PPFIA4: variants seen among roughly 807,000 people sequenced by gnomAD.
The protein encoded by PPFIA4 is PPFI scaffold protein A4.
In PPFIA4, 98 loss-of-function variants were observed where a neutral mutation model predicts 145.7. The observed-to-expected ratio is 0.67, with a 90% CI of 0.57 to 0.80. PPFIA4 has a LOEUF of 0.80. PPFIA4 is among the 30% of genes least tolerant of loss of function. PPFIA4 has a pLI of 0.00. For synonymous variants in PPFIA4, 628 were observed against 649.6 expected, an observed-to-expected ratio of 0.97 and a Z score of 0.51; for missense variants, 1,457 against 1,632.7, an observed-to-expected ratio of 0.89 and a Z score of 1.85.
chr1:203,048,462 G>A lies in PPFIA4; in HGVS notation c.1225-121G>A. On this transcript the variant is annotated intron_variant, in intron 10 of 29. Coordinates refer to ENST00000295706, the MANE Select transcript of PPFIA4 (RefSeq NM_001304331.2). The surrounding 1 kb of genome is among the most constrained non-coding windows in gnomAD (Gnocchi z 5.8). The stretch of plus-strand genomic sequence containing the variant: ...TGGCAGGTGAAGGGGGAGGTGGTCA[G>A]GAGACTGGAGAGAGTGGCTCCCAGA... 6.7e-7 allele frequency: 1 copy of A among 1,486,090 alleles called. No homozygotes were observed. The highest frequency in any genetic ancestry group is 9.1e-7 in the Non-Finnish European group (1 of 1,093,958). The allele number at this position is 1,486,090 out of a possible 1,614,324, so 92.1% of individuals were successfully genotyped here.
intron 9 of PPFIA4, among the ~76,000 whole-genome samples, chr1:203,047,525 A>T (rs1249063089): frequency 6.6e-6 from 1 of 151,962 alleles, no homozygotes; most frequent in African/African-American, 2.4e-5. Flanking sequence ...ACTATAAGAG[A>T]TGTGGCTTTC....
At chr1:203,046,921 T>C (rs947406631) in intron 9 of PPFIA4, among the ~76,000 whole-genome samples, 5 of 152,250 alleles carry the variant, frequency 3.3e-5, no homozygotes, top group Admixed American at 3.3e-4. Flanking sequence ...AATACAATTT[T>C]ATTTAATGGA....
At chr1:203,076,185 C>T in intron 29 of PPFIA4, 156 bp from the exon 30 acceptor site, 2 of 810,892 alleles carry the variant, frequency 2.5e-6, no homozygotes, top group South Asian at 3.1e-5. Flanking sequence ...CGCTTACCAG[C>T]ACTGCCTGGC....
At chr1:203,031,432 ACT>A (rs1236780776) in intron 1 of PPFIA4, among the ~76,000 whole-genome samples, 1 of 148,246 alleles carries the variant, frequency 6.7e-6, no homozygotes, top group Non-Finnish European at 1.5e-5. Flanking sequence ...TCACACACAC[ACT>A]CTGTTGCATG....
At chr1:203,058,590 G>T (rs372704806) in intron 19 of PPFIA4, among the ~76,000 whole-genome samples, 320 of 152,194 alleles carry the variant, frequency 2.1e-3, no homozygotes, top group African/African-American at 7.3e-3. Flanking sequence ...TGTGCACTGT[G>T]GGGGGGTGAC....
chr1:203,058,112 A>G (rs10920556), intron 19 of PPFIA4, among the ~76,000 whole-genome samples: 24,915 of 152,124 alleles, frequency 0.16, 2,162 homozygotes, highest in African/African-American at 0.19. Flanking sequence ...GAACTCATCA[A>G]CTAGAATAAA....
chr1:203,044,394 CG>C lies in PPFIA4; in HGVS notation c.520del (p.Ala174GlnfsTer55). 1 of 1,552,196 alleles carries C rather than the reference CG, an allele frequency of 6.4e-7. No homozygotes were observed. Among genetic ancestry groups the C allele is most frequent in the Non-Finnish European group, 8.7e-7 (1 of 1,147,934 alleles). On this transcript the variant is annotated frameshift_variant, in exon 5 of 30. Transcript: ENST00000295706. LOFTEE classifies it high-confidence loss of function. The stretch of plus-strand genomic sequence containing the variant: ...CCTCGAGCAGGTGCGAGAGCGGCTC[CG>C]GGCAGCGCTGGAGCGAGTCACCACC... ...ALDEKVRERL[R>X]AALERVTTLE...
At chr1:203,073,114 G>T (rs1407195871) in intron 28 of PPFIA4, among the ~76,000 whole-genome samples, 2 of 152,130 alleles carry the variant, frequency 1.3e-5, no homozygotes, top group African/African-American at 4.8e-5. Context: ...CCTGCCCTGT[G>T]CCAGGCATTG....
At chr1:203,054,919 TGTGA>T (rs1660813984) in intron 15 of PPFIA4, among the ~76,000 whole-genome samples, 2 of 152,208 alleles carry the variant, frequency 1.3e-5, no homozygotes, top group African/African-American at 2.4e-5. Context: ...AGCATGTGTG[TGTGA>T]GAGAGTGTGT....
chr1:203,070,328 C>A (rs1333145777), intron 27 of PPFIA4, among the ~76,000 whole-genome samples: 1 of 152,034 alleles, frequency 6.6e-6, no homozygotes, highest in Non-Finnish European at 1.5e-5. Context: ...GGCCTGTATG[C>A]TCAGCATTTT....
chr1:203,073,743 G>T (rs1037228600), intron 28 of PPFIA4, among the ~76,000 whole-genome samples: 1 of 152,162 alleles, frequency 6.6e-6, no homozygotes, highest in African/African-American at 2.4e-5. Context: ...CTGACTGTTA[G>T]GGGACAGGGG....
rs1553257012 is a variant in PPFIA4 at position 203,051,894 on chromosome 1, A to G, written c.1620+17A>G. 6.2e-7 allele frequency: 1 copy of G among 1,610,872 alleles called. No homozygotes were observed. Among genetic ancestry groups the G allele is most frequent in the South Asian group, 1.1e-5 (1 of 90,364 alleles). On this transcript the variant is annotated intron_variant, in intron 14 of 29. Coordinates refer to ENST00000295706, the MANE Select transcript of PPFIA4 (RefSeq NM_001304331.2). ...TCTGCCAAGGTGAGGGGGTGGAGGG[A>G]TCTCCTCAGGGAGTTTGGGGTCAAT...
rs955738416 is a variant in PPFIA4 at position 203,048,517 on chromosome 1, A to G, written c.1225-66A>G. The G allele has an allele frequency of 3.9e-6, 6 of 1,549,564 alleles. No individual in the cohort carries two copies. The Admixed American group carries it at 5.9e-5, about 15-fold the overall frequency. On this transcript the variant is annotated intron_variant, in intron 10 of 29. Transcript: ENST00000295706. The surrounding 1 kb of genome is among the most constrained non-coding windows in gnomAD (Gnocchi z 5.8). ...GAGAAGAGGACAGGGGAGGGAGTCA[A>G]ACCCCAGCAGGAGAGGGTGGTCCTC...
rs778467720 is a variant in PPFIA4, at chr1:203,038,316, C to T, written c.-399-294C>T. 4.3e-4 allele frequency among the ~76,000 whole-genome samples: 65 copies of T among 152,270 alleles called. 1 individual carries two copies. Among genetic ancestry groups the T allele is most frequent in the Admixed American group, 1.8e-3 (27 of 15,292 alleles). ...GCTGCTCCCCTGCCGCTGACTGAAT[C>T]ATTTCTATATTTGGCCAGTGAGCCA... On this transcript the variant is annotated intron_variant, in intron 1 of 29. Coordinates refer to ENST00000295706, the MANE Select transcript of PPFIA4 (RefSeq NM_001304331.2).
At chr1:203,040,283 G>T (rs1659607601) in intron 2 of PPFIA4, among the ~76,000 whole-genome samples, 1 of 152,216 alleles carries the variant, frequency 6.6e-6, no homozygotes, top group African/African-American at 2.4e-5. Context: ...GCCAGCTGTG[G>T]ACACATGGCA....
chr1:203,027,717 A>G (rs1658507887), intron 1 of PPFIA4, among the ~76,000 whole-genome samples: 3 of 152,280 alleles, frequency 2.0e-5, no homozygotes, highest in African/African-American at 4.8e-5. Flanking sequence ...GCCAGATACT[A>G]TGCTCGGTGC....
rs1024953900 is a variant in PPFIA4, at chr1:203,077,492, G to C, written c.*1102G>C. ...AAGGCCTCCTTTCTCTGACCTCCCA[G>C]GAAGAAAATAGCTTCTCCTACAGTG... On this transcript the variant is annotated 3_prime_UTR_variant, in exon 30 of 30. Transcript: ENST00000295706. The C allele has an allele frequency of 5.3e-5, 8 of 152,190 alleles. No homozygotes were observed. The highest frequency in any genetic ancestry group is 1.9e-4 in the African/African-American group (8 of 41,440). 9.4% of individuals were successfully genotyped at this position (152,190 alleles called of 1,614,324 possible). A position where few individuals can be genotyped will look rare whatever the true frequency, so the allele number is the denominator to read the frequency against.
At chr1:203,063,494 G>A (rs1035900967) in intron 24 of PPFIA4, 4 of 241,402 alleles carry the variant, frequency 1.7e-5, no homozygotes, top group African/African-American at 7.1e-5. Context: ...AGGAAGGCAC[G>A]TCTGCTGCAC....
intron 24 of PPFIA4, among the ~76,000 whole-genome samples, chr1:203,062,429 G>A (rs1203453724): frequency 3.2e-5 from 4 of 124,590 alleles, no homozygotes; most frequent in South Asian, 2.7e-4. Flanking sequence ...GCAGTGAGCC[G>A]AGATCACACC....
Sources: gnomAD v4.1 joint callset for allele counts (sites outside exome capture counted in the v4.1 genomes callset) on GRCh38, gnomAD v4.1.1 for gene constraint, Gnocchi (gnomAD v3.1) non-coding constraint, MANE v1.5 for transcripts, NCBI Gene and HGNC (gene_info 2026-07-23, HGNC 2026-07-21) for gene names.